Variants in CDHR1 observed in about 807,000 individuals in gnomAD.
CDHR1 encodes cadherin-related family member 1.
CDHR1 carries 61 observed loss-of-function variants against 72.1 expected under a neutral mutation model. That is an observed-to-expected ratio of 0.85 (90% CI 0.69 to 1.05). CDHR1 has a LOEUF of 1.05. Among genes scored for constraint, CDHR1 ranks in the 50% least tolerant of loss-of-function variants. The pLI is 0.00. For synonymous variants in CDHR1, 470 were observed against 448.1 expected, an observed-to-expected ratio of 1.05 and a Z score of -0.62; for missense variants, 1,186 against 1,115.7, an observed-to-expected ratio of 1.06 and a Z score of -0.90.
In CDHR1 at chr10:84,212,350, G is replaced by C. The variant is rs776577785; in HGVS notation, c.1725G>C (p.Gln575His). The change falls in exon 15 of 17, where the codon CAG becomes CAC. Residue 575 changes from glutamine to histidine, a missense_variant. Coordinates refer to ENST00000623527, the MANE Select transcript of CDHR1 (RefSeq NM_033100.4). ...TGGATGTCAATGACCACCCCCCTCA[G>C]TTTGGAAAGAGCGTTCAGAAGAAGA... is the stretch of plus-strand genomic sequence containing the variant. ...TLLDVNDHPPQFGKSVQKKTM... is the reference protein window; with the variant it reads ...TLLDVNDHPPHFGKSVQKKTM... The C allele has an allele frequency of 6.2e-7, 1 of 1,614,210 alleles. No homozygotes were observed. The highest frequency in any genetic ancestry group is 8.5e-7 in the Non-Finnish European group (1 of 1,180,040).
At position 84,217,267 on chromosome 10, in the gene CDHR1, G is replaced by A. The variant is rs1330006502; in HGVS notation, c.*2646G>A. On this transcript the variant is annotated 3_prime_UTR_variant, in exon 17 of 17. Coordinates refer to ENST00000623527, the MANE Select transcript of CDHR1 (RefSeq NM_033100.4). ...GCACCATGGTAGGCCTCCAGGGAAA[G>A]AGCTGGGAGGCAGGAATGGCACACT... 1 of 985,414 alleles carries A rather than the reference G, an allele frequency of 1.0e-6. No homozygotes were observed. The highest frequency in any genetic ancestry group is 1.2e-6 in the Non-Finnish European group (1 of 829,996). 61.0% of individuals were successfully genotyped at this position (985,414 alleles called of 1,614,324 possible).
chr10:84,199,036 C>A lies in CDHR1; in HGVS notation c.353C>A (p.Ala118Asp), dbSNP rs1050499319. The change falls in exon 5 of 17, where the codon GCC becomes GAC. Residue 118 changes from alanine to aspartate, a missense_variant. Coordinates refer to ENST00000623527, the MANE Select transcript of CDHR1 (RefSeq NM_033100.4). ...GACCCCTCTGCCCCTTCTCAGGTGG[C>A]CGAAAAAGTCGTGATCCTGGTGACC... is the stretch of plus-strand genomic sequence containing the variant. ...ISISDGLNLV[A>D]EKVVILVTDA... The A allele has an allele frequency of 2.1e-5, 32 of 1,551,628 alleles. No homozygotes were observed. Among genetic ancestry groups the A allele is most frequent in the Non-Finnish European group, 2.8e-5 (32 of 1,146,944 alleles).
chr10:84,195,740 A>C, intron 2 of CDHR1, 151 bp downstream of exon 2: 1 of 733,684 alleles, frequency 1.4e-6, no homozygotes, highest in South Asian at 1.5e-5. Flanking sequence ...ATGGCAGGAA[A>C]GAAGGTCATT....
intron 10 of CDHR1, 76 bp from the exon 11 acceptor site, chr10:84,208,098 C>T: frequency 1.5e-6 from 2 of 1,299,468 alleles, no homozygotes; most frequent in South Asian, 2.4e-5. Context: ...ATTATACATT[C>T]TGCAGGGGAG....
intron 15 of CDHR1, among the ~76,000 whole-genome samples, 174 bp downstream of exon 15, chr10:84,212,581 G>A (rs932191005): frequency 1.4e-4 from 21 of 152,196 alleles, no homozygotes; most frequent in Admixed American, 1.1e-3. Context: ...ATTAAACTCT[G>A]AGAAAGAAGA....
intron 4 of CDHR1, among the ~76,000 whole-genome samples, chr10:84,198,322 C>T (rs534038125): frequency 6.6e-6 from 1 of 152,368 alleles, no homozygotes; most frequent in South Asian, 2.1e-4. Context: ...GCTGGGAAAG[C>T]ACTAACAACT....
At chr10:84,194,867 G>T in intron 1 of CDHR1, 52 bp downstream of exon 1, 2 of 1,500,802 alleles carry the variant, frequency 1.3e-6, no homozygotes, top group Non-Finnish European at 9.0e-7. Flanking sequence ...GGAGATGGGC[G>T]CTGGCGTCAC....
chr10:84,200,528 GC>G, intron 5 of CDHR1, 72 bp from the exon 6 acceptor site: 2 of 972,698 alleles, frequency 2.1e-6, no homozygotes, highest in Non-Finnish European at 3.2e-6. Context: ...ACTGCTGCAT[GC>G]CCCTATGCCT....
chr10:84,219,139 A>G, downstream of CDHR1: 1 of 1,539,102 alleles, frequency 6.5e-7, no homozygotes, highest in Non-Finnish European at 8.8e-7. Context: ...GTCAGTAAGA[A>G]AACCAAAATT....
At chr10:84,210,224 T>G (rs997805164) in intron 12 of CDHR1, among the ~76,000 whole-genome samples, 1 of 151,188 alleles carries the variant, frequency 6.6e-6, no homozygotes, top group Non-Finnish European at 1.5e-5. Flanking sequence ...GTTTTTTTTG[T>G]TTTTTTTGTT....
At position 84,197,924 on chromosome 10, in the gene CDHR1, C is replaced by CA. The variant is rs200738075; in HGVS notation, c.348+89dup. The CA allele has an allele frequency of 7.8e-3, 10,250 of 1,316,910 alleles. 337 individuals are homozygous for CA. Among genetic ancestry groups the CA allele is most frequent in the Admixed American group, 0.067 (3,841 of 57,660 alleles). The allele number at this position is 1,316,910 out of a possible 1,614,324, so 81.6% of individuals were successfully genotyped here. A position where few individuals can be genotyped will look rare whatever the true frequency, so the allele number is the denominator to read the frequency against. ...CTGGCACGATTCCTCCCCAAGCCTT[C>CA]ATGGGGGCTTTTCTGCAAGTTTAAG... On this transcript the variant is annotated intron_variant, in intron 4 of 16. Transcript: ENST00000623527.
intron 14 of CDHR1, 51 bp from the exon 15 acceptor site, chr10:84,212,128 C>T: frequency 1.4e-6 from 2 of 1,464,582 alleles, no homozygotes; most frequent in South Asian, 1.1e-5. Flanking sequence ...TGTATGTATG[C>T]ACATATGTGT....
At position 84,210,991 on chromosome 10, in the gene CDHR1, C is replaced by T. The variant is rs559761111; in HGVS notation, c.1321-10C>T. On this transcript the variant is annotated splice_polypyrimidine_tract_variant and intron_variant, in intron 12 of 16. Coordinates refer to ENST00000623527, the MANE Select transcript of CDHR1 (RefSeq NM_033100.4). ...TACCCAGACAAGTCCCCATTTTCCCCCCTTCCCAGCTCCTGGCTGTTGAAG... is the reference window on the plus strand; with the variant it reads ...TACCCAGACAAGTCCCCATTTTCCCTCCTTCCCAGCTCCTGGCTGTTGAAG... 1 of 1,614,178 alleles carries T rather than the reference C, an allele frequency of 6.2e-7. No individual in the cohort carries two copies. Among genetic ancestry groups the T allele is most frequent in the South Asian group, 1.1e-5 (1 of 91,072 alleles).
chr10:84,214,709 A>C lies in CDHR1; in HGVS notation c.*88A>C. 1 of 1,586,628 alleles carries C rather than the reference A, an allele frequency of 6.3e-7. No homozygotes were observed. The highest frequency in any genetic ancestry group is 8.5e-7 in the Non-Finnish European group (1 of 1,173,988). ...CTATGCTCCCCTTCCTCTGCTCCTT[A>C]AGGTCACTGACCCCTGTTTTGCACA... On this transcript the variant is annotated 3_prime_UTR_variant, in exon 17 of 17. Transcript: ENST00000623527.
chr10:84,219,175 C>T (rs1842471452), downstream of CDHR1: 1 of 1,550,298 alleles, frequency 6.5e-7, no homozygotes, highest in Admixed American at 2.0e-5. Context: ...ACATTCCAGC[C>T]AGGGTCTGTT....
rs1443194278 is a variant in CDHR1 at position 84,218,080 on chromosome 10, G to A, written c.*3459G>A. The A allele has an allele frequency of 3.0e-6, 3 of 985,370 alleles. No individual in the cohort carries two copies. In the African/African-American group the frequency reaches 5.2e-5, roughly 17 times the overall value. 61.0% of individuals were successfully genotyped at this position (985,370 alleles called of 1,614,324 possible). On this transcript the variant is annotated 3_prime_UTR_variant, in exon 17 of 17. Coordinates refer to ENST00000623527, the MANE Select transcript of CDHR1 (RefSeq NM_033100.4). ...CCTGCCAGGGGTGTTGGCATCTGTTGACAGGCAGTGGCACATCCTGACAGT... is the reference window on the plus strand; with the variant it reads ...CCTGCCAGGGGTGTTGGCATCTGTTAACAGGCAGTGGCACATCCTGACAGT...
At position 84,209,288 on chromosome 10, in the gene CDHR1, T is replaced by C. The variant is rs74329493; in HGVS notation, c.1320+407T>C. On this transcript the variant is annotated intron_variant, in intron 12 of 16. Transcript: ENST00000623527. ...ATTTGTAATTATGTAAAATCATAAA[T>C]GTATTATAAAATGCATATCATATAT... 3.1e-3 allele frequency among the ~76,000 whole-genome samples: 479 copies of C among 152,366 alleles called. 2 individuals carry two copies. Among genetic ancestry groups the C allele is most frequent in the Non-Finnish European group, 4.5e-3 (305 of 68,038 alleles).
Position 84,197,954 on chromosome 10 carries a change from G to A in CDHR1, c.348+118G>A, listed in dbSNP as rs1842057617. ...GGGCTTTTCTGCAAGTTTAAGCTAGGGCCCAGCAAGACCTGCCCAAAGTGC... is the reference window on the plus strand; with the variant it reads ...GGGCTTTTCTGCAAGTTTAAGCTAGAGCCCAGCAAGACCTGCCCAAAGTGC... On this transcript the variant is annotated intron_variant, in intron 4 of 16. Coordinates refer to ENST00000623527, the MANE Select transcript of CDHR1 (RefSeq NM_033100.4). 58 of 978,604 alleles carry A rather than the reference G, an allele frequency of 5.9e-5. No homozygotes were observed. In the South Asian group the frequency reaches 7.5e-4, roughly 13 times the overall value. The allele number at this position is 978,604 out of a possible 1,614,324, so 60.6% of individuals were successfully genotyped here.
chr10:84,219,251 T>C (rs985686046), downstream of CDHR1: 5 of 1,550,698 alleles, frequency 3.2e-6, no homozygotes, highest in Admixed American at 9.8e-5. Context: ...TCTAGAGTTT[T>C]TCAAGGGGCA....
Sources: allele counts gnomAD v4.1 joint callset (sites outside exome capture counted in the v4.1 genomes callset), GRCh38; gene constraint gnomAD v4.1.1; transcripts MANE v1.5; gene names NCBI Gene and HGNC (gene_info 2026-07-23, HGNC 2026-07-21).